Variants in SIRPB2 observed in about 807,000 individuals in gnomAD.
SIRPB2 encodes signal-regulatory protein beta-2.
SIRPB2 carries 18 observed loss-of-function variants against 27.1 expected under a neutral mutation model. The observed-to-expected ratio is 0.66, with a 90% CI of 0.46 to 0.98. The LOEUF (loss-of-function observed/expected upper bound fraction) is 0.98. SIRPB2 is among the 50% of genes least tolerant of loss of function. The pLI is 0.00. For synonymous variants in SIRPB2, 150 were observed against 164.6 expected (o/e 0.91, Z 0.68); for missense variants, 420 against 417.4 (o/e 1.01, Z -0.06).
At position 1,476,266 on chromosome 20, in the gene SIRPB2, G is replaced by T. The variant is rs1261264381; in HGVS notation, c.930C>A (p.Ala310=). The change falls in exon 5 of 5, where the codon GCC becomes GCA. Residue 310 remains alanine (A), a synonymous_variant. Coordinates refer to ENST00000359801, the MANE Select transcript of SIRPB2 (RefSeq NM_001122962.2). ...KAITLAALLL[A]LATSRRSPGQ... ...CAGGGCTCCTCCGAGAGGTAGCCAG[G>T]GCCAGTAGGAGTGCAGCCAAGGTAA... The T allele has an allele frequency of 1.2e-6, 2 of 1,614,006 alleles. No homozygotes were observed. Among genetic ancestry groups the T allele is most frequent in the East Asian group, 2.2e-5 (1 of 44,858 alleles).
At chr20:1,481,186 T>TC (rs1418558864) in intron 1 of SIRPB2, among the ~76,000 whole-genome samples, 2 of 152,184 alleles carry the variant, frequency 1.3e-5, no homozygotes, top group African/African-American at 4.8e-5. Context: ...ATTTATTTTT[T>TC]AATTTTTTTT....
At chr20:1,489,481 G>A (rs1045835888) in intron 1 of SIRPB2, among the ~76,000 whole-genome samples, 5 of 152,162 alleles carry the variant, frequency 3.3e-5, no homozygotes, top group African/African-American at 1.2e-4. Context: ...CTCAGCTAGG[G>A]GTGAGTCTGG....
At chr20:1,485,968 T>A (rs1051459125) in intron 1 of SIRPB2, among the ~76,000 whole-genome samples, 1 of 152,022 alleles carries the variant, frequency 6.6e-6, no homozygotes, top group Admixed American at 6.6e-5. Flanking sequence ...AGCCCTATTA[T>A]CTATTAAAAA....
At position 1,491,282 on chromosome 20, in the gene SIRPB2, G is replaced by T. The variant is rs538558221; in HGVS notation, c.78C>A (p.Val26=). The T allele has an allele frequency of 1.9e-6, 3 of 1,611,098 alleles. No homozygotes were observed. The highest frequency in any genetic ancestry group is 1.3e-5 in the African/African-American group (1 of 74,918). The change falls in exon 1 of 5, where the codon GTC becomes GTA. Residue 26 remains valine (V), a synonymous_variant. Transcript: ENST00000359801. ...PCFLLLALVL[V]PSDASGQSSR... is the part of the protein sequence containing the mutation. ...ATCCTAGACCCCACTTACCTGAGGG[G>T]ACAAGGACCAGTGCCAGCAGCAGGA...
intron 1 of SIRPB2, among the ~76,000 whole-genome samples, chr20:1,489,302 C>CA (rs149007611): frequency 0.012 from 1,787 of 151,916 alleles, 33 homozygotes; most frequent in African/African-American, 0.037. Context: ...CCAGCACTCA[C>CA]AAAAAAAACT....
chr20:1,477,842 A>T (rs948505680), intron 3 of SIRPB2, among the ~76,000 whole-genome samples: 3 of 151,988 alleles, frequency 2.0e-5, no homozygotes, highest in Non-Finnish European at 4.4e-5. Flanking sequence ...CGCCTGACTA[A>T]TTTTGTATTT....
downstream of SIRPB2, chr20:1,473,848 C>T (rs181074321): frequency 2.7e-4 from 125 of 456,192 alleles, no homozygotes; most frequent in East Asian, 6.9e-4. Flanking sequence ...TTCCCGTGGC[C>T]GCTGTAACAG....
chr20:1,484,736 T>C (rs1273695795), intron 1 of SIRPB2, among the ~76,000 whole-genome samples: 1 of 151,204 alleles, frequency 6.6e-6, no homozygotes, highest in Non-Finnish European at 1.5e-5. Flanking sequence ...CACAAATATA[T>C]GCTGGTAAGG....
In SIRPB2 at chr20:1,476,255, G is replaced by A; in HGVS notation, c.941C>T (p.Ser314Phe). 6.2e-7 allele frequency: 1 copy of A among 1,614,070 alleles called. No individual in the cohort carries two copies. Among genetic ancestry groups the A allele is most frequent in the Non-Finnish European group, 8.5e-7 (1 of 1,180,010 alleles). ...LAALLLALAT[S>F]RRSPGQEDVK... ...ATCTTCTTGCCCAGGGCTCCTCCGA[G>A]AGGTAGCCAGGGCCAGTAGGAGTGC... The change falls in exon 5 of 5, where the codon TCT (serine) becomes TTT (phenylalanine). Residue 314 changes from serine to phenylalanine, a missense_variant. Ser to Phe is a radical substitution (Grantham distance 155). Transcript: ENST00000359801.
In SIRPB2 at chr20:1,476,020, A is replaced by C; in HGVS notation, c.*147T>G. 7.0e-6 allele frequency: 6 copies of C among 857,540 alleles called. No homozygotes were observed. The highest frequency in any genetic ancestry group is 1.1e-5 in the Non-Finnish European group (6 of 556,080). The allele number at this position is 857,540 out of a possible 1,614,324, so 53.1% of individuals were successfully genotyped here. A position where few individuals can be genotyped will look rare whatever the true frequency, so the allele number is the denominator to read the frequency against. On this transcript the variant is annotated 3_prime_UTR_variant, in exon 5 of 5. Transcript: ENST00000359801. ...AGCCCGGTGCAAAGAAGGGAATTTC[A>C]CTAGGTGGACCAAAACCAGATGTAG...
In SIRPB2 at chr20:1,480,542, T is replaced by C. The variant is rs947646152; in HGVS notation, c.86-477A>G. ...AGGTAATTCAGTTAAAATGAGGTCA[T>C]TGGGGTTGGGCCTTAATCTCACCCA... On this transcript the variant is annotated intron_variant, in intron 1 of 4. Coordinates refer to ENST00000359801, the MANE Select transcript of SIRPB2 (RefSeq NM_001122962.2). 5.5e-5 allele frequency: 9 copies of C among 164,392 alleles called. No homozygotes were observed. The South Asian group carries it at 7.7e-4, about 14-fold the overall frequency. The allele number at this position is 164,392 out of a possible 1,614,324, so 10.2% of individuals were successfully genotyped here.
At chr20:1,486,634 C>A (rs1232375125) in intron 1 of SIRPB2, among the ~76,000 whole-genome samples, 4 of 151,896 alleles carry the variant, frequency 2.6e-5, no homozygotes, top group Admixed American at 2.6e-4. Context: ...TGAGCTTATC[C>A]CTGGAATATA....
chr20:1,477,270 G>T, intron 4 of SIRPB2, 68 bp downstream of exon 4: 1 of 1,614,070 alleles, frequency 6.2e-7, no homozygotes, highest in South Asian at 1.1e-5. Context: ...CCCTTCCCAT[G>T]ACCAAGCCAT....
Position 1,475,775 on chromosome 20 carries a change from GC to G in SIRPB2, c.*391del. 6.4e-6 allele frequency: 1 copy of G among 155,704 alleles called. No individual in the cohort carries two copies. Among genetic ancestry groups the G allele is most frequent in the South Asian group, 1.6e-4 (1 of 6,444 alleles). The allele number at this position is 155,704 out of a possible 1,614,324, so 9.6% of individuals were successfully genotyped here. A position where few individuals can be genotyped will look rare whatever the true frequency, so the allele number is the denominator to read the frequency against. ...TAGATGGAGGGGCACAGATGGTCTG[GC>G]TGGTTGAGTTCAGAGATTCTTACAG... On this transcript the variant is annotated 3_prime_UTR_variant, in exon 5 of 5. Coordinates refer to ENST00000359801, the MANE Select transcript of SIRPB2 (RefSeq NM_001122962.2).
rs2090602945 is a variant in SIRPB2, at chr20:1,476,040, A to G, written c.*127T>C. 9.5e-7 allele frequency: 1 copy of G among 1,048,536 alleles called. No homozygotes were observed. Among genetic ancestry groups the G allele is most frequent in the Non-Finnish European group, 1.4e-6 (1 of 713,392 alleles). The allele number at this position is 1,048,536 out of a possible 1,614,324, so 65.0% of individuals were successfully genotyped here. On this transcript the variant is annotated 3_prime_UTR_variant, in exon 5 of 5. Transcript: ENST00000359801. ...ATTTCACTAGGTGGACCAAAACCAGATGTAGGGATCTAGGAGTTTGTCATG... is the reference window on the plus strand; with the variant it reads ...ATTTCACTAGGTGGACCAAAACCAGGTGTAGGGATCTAGGAGTTTGTCATG...
intron 1 of SIRPB2, among the ~76,000 whole-genome samples, chr20:1,484,627 G>A (rs776802407): frequency 1.9e-4 from 29 of 151,604 alleles, no homozygotes; most frequent in Non-Finnish European, 3.4e-4. Flanking sequence ...TCGGGGAAAT[G>A]CAAATCAAAA....
chr20:1,485,092 G>T (rs1186536904), intron 1 of SIRPB2, among the ~76,000 whole-genome samples: 1 of 152,188 alleles, frequency 6.6e-6, no homozygotes, highest in Non-Finnish European at 1.5e-5. Context: ...AAAAGTGAGT[G>T]TAGGGAGAGG....
chr20:1,484,987 A>T (rs539887772), intron 1 of SIRPB2, among the ~76,000 whole-genome samples: 3 of 152,362 alleles, frequency 2.0e-5, no homozygotes, highest in African/African-American at 7.2e-5. Context: ...TAAGCCAGGC[A>T]CAGAAAGACA....
rs112678297 is a variant in SIRPB2 at position 1,478,504 on chromosome 20, G to A, written c.555C>T (p.Asp185=). The change falls in exon 3 of 5, where the codon GAC becomes GAT. Residue 185 remains aspartate, a synonymous_variant. Transcript: ENST00000359801. ...TVFLNCTVLG[D]GPPGPIRWFQ... is the part of the protein sequence containing the mutation. ...ACCACCTGATGGGTCCAGGGGGACC[G>A]TCTCCAAGCACTGTGCAGTTCAGAA... 7.8e-5 allele frequency: 126 copies of A among 1,614,008 alleles called. No individual in the cohort carries two copies. Among genetic ancestry groups the A allele is most frequent in the East Asian group, 2.5e-4 (11 of 44,892 alleles).
Sources: allele counts gnomAD v4.1 joint callset (sites outside exome capture counted in the v4.1 genomes callset), GRCh38; gene constraint gnomAD v4.1.1; transcripts MANE v1.5; gene names NCBI Gene and HGNC (gene_info 2026-07-23, HGNC 2026-07-21).